P3H2: variants seen among roughly 807,000 people sequenced by gnomAD.
The protein encoded by P3H2 is prolyl 3-hydroxylase 2, also known as leprecan-like 1.
P3H2 carries 80 observed loss-of-function variants against 87.0 expected under a neutral mutation model. The ratio of observed to expected loss-of-function variants is 0.92; its 90% CI spans 0.77 to 1.11. The LOEUF is 1.11. Ranked by LOEUF, P3H2 falls within the 50% of genes least tolerant of loss-of-function variation. The pLI is 0.00. For synonymous variants in P3H2, 367 were observed against 359.3 expected (o/e 1.02, Z -0.24); for missense variants, 1,001 against 923.9 (o/e 1.08, Z -1.08).
chr3:190,097,095 C>T (rs748294590), intron 1 of P3H2, among the ~76,000 whole-genome samples: 3 of 152,072 alleles, frequency 2.0e-5, no homozygotes, highest in Non-Finnish European at 4.4e-5. Flanking sequence ...ACAGGGCTCT[C>T]GTGAGGAAGG....
At chr3:190,009,362 G>C (rs1724519113) in intron 1 of P3H2, among the ~76,000 whole-genome samples, 1 of 152,156 alleles carries the variant, frequency 6.6e-6, no homozygotes, top group South Asian at 2.1e-4. Context: ...TATGTTGTTA[G>C]TTTGTTCGAG....
At position 189,959,860 on chromosome 3, in the gene P3H2, A is replaced by ATGTGTGTGTGTG. The variant is rs75204350; in HGVS notation, c.2035-1868_2035-1857dup. On this transcript the variant is annotated intron_variant, in intron 14 of 14. Coordinates refer to ENST00000319332, the MANE Select transcript of P3H2 (RefSeq NM_018192.4). ...GTAACTCTCCAGGACTGGAGGAGAT[A>ATGTGTGTGTGTG]TGTGTGTGTGTGTGTGTGTGTGTGT... Among the ~76,000 whole-genome samples, 194 of 134,854 alleles carry ATGTGTGTGTGTG rather than the reference A, an allele frequency of 1.4e-3. 1 individual carries two copies. The highest frequency in any genetic ancestry group is 4.6e-3 in the African/African-American group (170 of 36,598). 88.5% of individuals were successfully genotyped at this position (134,854 alleles called of 152,430 possible).
At chr3:190,031,327 G>A (rs531870000) in intron 1 of P3H2, among the ~76,000 whole-genome samples, 1 of 151,918 alleles carries the variant, frequency 6.6e-6, no homozygotes, top group South Asian at 2.1e-4. Flanking sequence ...ACATTATCAT[G>A]TTAGAAAAAA....
At chr3:190,006,005 A>G (rs1724376591) in intron 1 of P3H2, among the ~76,000 whole-genome samples, 1 of 152,262 alleles carries the variant, frequency 6.6e-6, no homozygotes, top group African/African-American at 2.4e-5. Flanking sequence ...TTCAGGCTGT[A>G]CAGTATATGA....
At chr3:190,089,998 T>A (rs571268404) in intron 1 of P3H2, among the ~76,000 whole-genome samples, 3 of 152,222 alleles carry the variant, frequency 2.0e-5, no homozygotes, top group African/African-American at 7.2e-5. Context: ...GGTAAAGAAC[T>A]TGTGGTTTGG....
chr3:190,016,618 A>T (rs367797788), intron 1 of P3H2, among the ~76,000 whole-genome samples: 2 of 152,286 alleles, frequency 1.3e-5, no homozygotes, highest in South Asian at 2.1e-4. Flanking sequence ...GGTTAGAAAA[A>T]ATAATAATAA....
At chr3:190,035,988 G>A (rs1400499819) in intron 1 of P3H2, among the ~76,000 whole-genome samples, 1 of 152,170 alleles carries the variant, frequency 6.6e-6, no homozygotes, top group East Asian at 1.9e-4. Flanking sequence ...GAAACCATTT[G>A]TTAGTTGGAT....
In P3H2 at chr3:189,958,014, A is replaced by T. The variant is rs781487032; in HGVS notation, c.2035-10T>A. ...CAGCCTGTATTCGCTCCTGCAAAAA[A>T]GACAATTTACACATTTCTGTTACAA... On this transcript the variant is annotated splice_polypyrimidine_tract_variant and intron_variant, in intron 14 of 14. Coordinates refer to ENST00000319332, the MANE Select transcript of P3H2 (RefSeq NM_018192.4). 5 of 1,601,198 alleles carry T rather than the reference A, an allele frequency of 3.1e-6. No individual in the cohort carries two copies. In the East Asian group the frequency reaches 1.1e-4, roughly 36 times the overall value.
intron 10 of P3H2, 121 bp from the exon 11 acceptor site, chr3:189,973,145 G>C: frequency 1.2e-6 from 1 of 828,198 alleles, no homozygotes; most frequent in Middle Eastern, 3.4e-4. Context: ...TAATGGGGAA[G>C]GCTACTACAT....
chr3:190,088,242 T>C (rs1368730840), intron 1 of P3H2, among the ~76,000 whole-genome samples: 1 of 152,194 alleles, frequency 6.6e-6, no homozygotes, highest in Admixed American at 6.5e-5. Flanking sequence ...AAATATTATT[T>C]CCTCAGAATA....
chr3:190,120,397 G>A lies in P3H2; in HGVS notation c.335C>T (p.Ser112Phe). The stretch of plus-strand genomic sequence containing the variant: ...ATAACAGCGCGCCCGCCCCAACAAG[G>A]AGCGGAAAAGGGGCAGCTCAGCGCC... ...GPGAELPLFR[S>F]LLGRARCYRS... is the part of the protein sequence containing the mutation. The change falls in exon 1 of 15, where the codon TCC becomes TTC. Residue 112 changes from serine to phenylalanine, a missense_variant. Ser to Phe is a radical substitution (Grantham distance 155). Coordinates refer to ENST00000319332, the MANE Select transcript of P3H2 (RefSeq NM_018192.4). 6.5e-7 allele frequency: 1 copy of A among 1,543,590 alleles called. No individual in the cohort carries two copies.
chr3:190,070,459 T>C (rs534989469), intron 1 of P3H2, among the ~76,000 whole-genome samples: 1 of 152,112 alleles, frequency 6.6e-6, no homozygotes, highest in African/African-American at 2.4e-5. Context: ...CCTGAAGTCA[T>C]AAAAATGTGA....
intron 1 of P3H2, among the ~76,000 whole-genome samples, chr3:190,041,848 A>G (rs1306328191): frequency 6.6e-6 from 1 of 152,246 alleles, no homozygotes; most frequent in Non-Finnish European, 1.5e-5. Context: ...GGGAAGTTCA[A>G]CTTAAAAAAA....
At chr3:190,064,418 A>T (rs1394608151) in intron 1 of P3H2, among the ~76,000 whole-genome samples, 3 of 152,120 alleles carry the variant, frequency 2.0e-5, no homozygotes, top group African/African-American at 7.2e-5. Flanking sequence ...TGGAAGGGCT[A>T]GGCTGATAGC....
At chr3:190,113,170 T>C (rs959470926) in intron 1 of P3H2, among the ~76,000 whole-genome samples, 1 of 152,174 alleles carries the variant, frequency 6.6e-6, no homozygotes, top group African/African-American at 2.4e-5. Context: ...GCCATGACTG[T>C]TACATAGAGG....
chr3:190,118,185 A>G (rs1048608982), intron 1 of P3H2, among the ~76,000 whole-genome samples: 2 of 152,162 alleles, frequency 1.3e-5, no homozygotes, highest in Non-Finnish European at 2.9e-5. Context: ...AAGCAAGCAG[A>G]ATTCCAGAAC....
chr3:190,112,182 A>T (rs838690), intron 1 of P3H2, among the ~76,000 whole-genome samples: 27,432 of 152,128 alleles, frequency 0.18, 2,606 homozygotes, highest in African/African-American at 0.24. Flanking sequence ...TAGGACTTGG[A>T]GGGAGTCTAG....
intron 1 of P3H2, among the ~76,000 whole-genome samples, chr3:190,119,671 T>C (rs887149135): frequency 6.6e-6 from 1 of 152,182 alleles, no homozygotes; most frequent in African/African-American, 2.4e-5. Context: ...CTCAAACAGC[T>C]TCGCCTCCTC....
intron 3 of P3H2, among the ~76,000 whole-genome samples, chr3:189,993,545 C>T (rs1036190784): frequency 7.2e-5 from 11 of 151,884 alleles, no homozygotes; most frequent in Non-Finnish European, 1.2e-4. Flanking sequence ...TTTTAAATGC[C>T]GCTTTGTAAT....
Sources: allele counts gnomAD v4.1 joint callset (sites outside exome capture counted in the v4.1 genomes callset), GRCh38; gene constraint gnomAD v4.1.1; transcripts MANE v1.5; gene names NCBI Gene and HGNC (gene_info 2026-07-23, HGNC 2026-07-21).